SRD5A1: variants seen among roughly 807,000 people sequenced by gnomAD.
SRD5A1 encodes 3-oxo-5-alpha-steroid 4-dehydrogenase 1.
Under a neutral mutation model 28.2 loss-of-function variants are expected in SRD5A1, and 22 were observed. The ratio of observed to expected loss-of-function variants is 0.78; its 90% CI spans 0.56 to 1.12. SRD5A1 has a LOEUF of 1.12. SRD5A1 is among the 50% of genes most tolerant of loss of function. The pLI is 0.00. For missense variants in SRD5A1, 300 were observed against 346.7 expected, an observed-to-expected ratio of 0.87 and a Z score of 1.07; for synonymous variants, 151 against 135.0, an observed-to-expected ratio of 1.12 and a Z score of -0.82.
At chr5:6,656,028 A>G in intron 2 of SRD5A1, 50 bp from the exon 3 acceptor site, 1 of 1,429,940 alleles carries the variant, frequency 7.0e-7, no homozygotes, top group Non-Finnish European at 9.9e-7. Flanking sequence ...GCTCGTAGTG[A>G]AATTTTACGG....
At chr5:6,664,430 C>G (rs770180678) in intron 4 of SRD5A1, among the ~76,000 whole-genome samples, 53 of 151,856 alleles carry the variant, frequency 3.5e-4, no homozygotes, top group Non-Finnish European at 6.5e-4. Context: ...TTTAAGACAG[C>G]ATCTCACTCT....
At chr5:6,638,895 G>A (rs1238954559) in intron 1 of SRD5A1, among the ~76,000 whole-genome samples, 1 of 152,094 alleles carries the variant, frequency 6.6e-6, no homozygotes, top group Non-Finnish European at 1.5e-5. Context: ...GTTGTTAGGG[G>A]AAAAAAGCAA....
At chr5:6,646,694 C>G (rs1272895508) in intron 1 of SRD5A1, among the ~76,000 whole-genome samples, 1 of 152,026 alleles carries the variant, frequency 6.6e-6, no homozygotes, top group East Asian at 1.9e-4. Context: ...GGCTAGCAGT[C>G]TATCTATTTT....
chr5:6,655,632 C>T (rs1299936581), intron 2 of SRD5A1, among the ~76,000 whole-genome samples: 1 of 152,250 alleles, frequency 6.6e-6, no homozygotes, highest in East Asian at 1.9e-4. Flanking sequence ...GGGTGACGTA[C>T]AGCCAGTGGT....
rs377225663 is a variant in SRD5A1, at chr5:6,652,542, TAA to T, written c.460+537_460+538del. Among the ~76,000 whole-genome samples, 297 of 152,174 alleles carry T rather than the reference TAA, an allele frequency of 2.0e-3. 5 individuals carry two copies. Among genetic ancestry groups the T allele is most frequent in the African/African-American group, 6.8e-3 (282 of 41,530 alleles). On this transcript the variant is annotated intron_variant, in intron 2 of 4. Transcript: ENST00000274192. ...TTTAAGTTCTAAGCAAAAATGAAAA[TAA>T]AACAGCCATCAAAAATATTTGCAAG...
intron 1 of SRD5A1, among the ~76,000 whole-genome samples, chr5:6,641,820 G>A (rs887052243): frequency 2.4e-4 from 36 of 152,366 alleles, no homozygotes; most frequent in African/African-American, 6.7e-4. Context: ...GCAGAAGCAC[G>A]TCCTCACTCC....
chr5:6,659,763 G>A (rs892496075), intron 3 of SRD5A1, among the ~76,000 whole-genome samples: 3 of 152,298 alleles, frequency 2.0e-5, no homozygotes, highest in Admixed American at 1.3e-4. Flanking sequence ...GAACGTGGAA[G>A]CCAAAATATT....
At chr5:6,635,497 T>C (rs1247285233) in intron 1 of SRD5A1, among the ~76,000 whole-genome samples, 1 of 152,216 alleles carries the variant, frequency 6.6e-6, no homozygotes, top group African/African-American at 2.4e-5. Context: ...CTGGATGAGT[T>C]ACTAAGCTGC....
At chr5:6,667,638 C>A (rs1739225419) in intron 4 of SRD5A1, among the ~76,000 whole-genome samples, 1 of 152,192 alleles carries the variant, frequency 6.6e-6, no homozygotes, top group South Asian at 2.1e-4. Context: ...CAATTTATAT[C>A]AAAACGGAAA....
Position 6,674,265 on chromosome 5 carries a change from TA to T in SRD5A1, c.*5998del, listed in dbSNP as rs1376095642. The T allele has an allele frequency of 3.9e-5, 6 of 152,154 alleles. No homozygotes were observed. Among genetic ancestry groups the T allele is most frequent in the Non-Finnish European group, 8.8e-5 (6 of 68,038 alleles). The allele number at this position is 152,154 out of a possible 1,614,324, so 9.4% of individuals were successfully genotyped here. On this transcript the variant is annotated 3_prime_UTR_variant, in exon 5 of 5. Transcript: ENST00000274192. The stretch of plus-strand genomic sequence containing the variant: ...GTACAACACTAATGCAAGATGTTAA[TA>T]GGGGAAATCGTGTTGGAGAGAGAGA...
In SRD5A1 at chr5:6,637,770, C is replaced by T. The variant is rs548105145; in HGVS notation, c.293+3901C>T. 8.2e-4 allele frequency among the ~76,000 whole-genome samples: 125 copies of T among 152,344 alleles called. 1 individual carries two copies. Among genetic ancestry groups the T allele is most frequent in the African/African-American group, 2.9e-3 (122 of 41,584 alleles). Reference sequence around the variant, plus strand: ...TGCCCAGAGTGCACAGTCAGATGCCCAGAGGCCTCCTCTTTCTGACACCTG... The same window carrying T: ...TGCCCAGAGTGCACAGTCAGATGCCTAGAGGCCTCCTCTTTCTGACACCTG... On this transcript the variant is annotated intron_variant, in intron 1 of 4. Coordinates refer to ENST00000274192, the MANE Select transcript of SRD5A1 (RefSeq NM_001047.4).
In SRD5A1 at chr5:6,669,485, A is replaced by G. The variant is rs150447706; in HGVS notation, c.*1217A>G. ...AATTCATCTGGCATTGCTTTGCCTT[A>G]TCATCTCATCTGGAGTTTTTAAATG... On this transcript the variant is annotated 3_prime_UTR_variant, in exon 5 of 5. Coordinates refer to ENST00000274192, the MANE Select transcript of SRD5A1 (RefSeq NM_001047.4). 2 of 152,308 alleles carry G rather than the reference A, an allele frequency of 1.3e-5. No individual in the cohort carries two copies. The highest frequency in any genetic ancestry group is 2.9e-5 in the Non-Finnish European group (2 of 68,016). 9.4% of individuals were successfully genotyped at this position (152,308 alleles called of 1,614,324 possible).
intron 4 of SRD5A1, among the ~76,000 whole-genome samples, chr5:6,665,170 G>A (rs1047005138): frequency 1.3e-5 from 2 of 152,234 alleles, no homozygotes; most frequent in African/African-American, 2.4e-5. Context: ...AGGCGGGGGC[G>A]ATGCAGCCAT....
At position 6,672,872 on chromosome 5, in the gene SRD5A1, T is replaced by TC. The variant is rs1257915127; in HGVS notation, c.*4605dup. Reference sequence around the variant, plus strand: ...CAATAAAATAATACTTTCTTTTCTTTCTTAAAATCTAGCTGATCTGGTCTA... The same window carrying TC: ...CAATAAAATAATACTTTCTTTTCTTTCCTTAAAATCTAGCTGATCTGGTCTA... On this transcript the variant is annotated 3_prime_UTR_variant, in exon 5 of 5. Coordinates refer to ENST00000274192, the MANE Select transcript of SRD5A1 (RefSeq NM_001047.4). 3 of 152,240 alleles carry TC rather than the reference T, an allele frequency of 2.0e-5. No homozygotes were observed. Among genetic ancestry groups the TC allele is most frequent in the Non-Finnish European group, 4.4e-5 (3 of 68,034 alleles). 9.4% of individuals were successfully genotyped at this position (152,240 alleles called of 1,614,324 possible).
rs1739291998 is a variant in SRD5A1, at chr5:6,669,266, A to AT, written c.*998_*999insT. On this transcript the variant is annotated 3_prime_UTR_variant, in exon 5 of 5. Transcript: ENST00000274192. ...AACATAATAATTGTTAAAATTCTCT[A>AT]CAGCCTTCTTTTTCTTCCATAGCTA... 1 of 152,224 alleles carries AT rather than the reference A, an allele frequency of 6.6e-6. No homozygotes were observed. The highest frequency in any genetic ancestry group is 2.4e-5 in the African/African-American group (1 of 41,458). 9.4% of individuals were successfully genotyped at this position (152,224 alleles called of 1,614,324 possible).
chr5:6,651,754 A>G, intron 1 of SRD5A1, 88 bp from the exon 2 acceptor site: 1 of 1,299,008 alleles, frequency 7.7e-7, no homozygotes, highest in Non-Finnish European at 1.1e-6. Flanking sequence ...AGAAAGTAAG[A>G]TTTAAAACCC....
At chr5:6,652,073 G>T in intron 2 of SRD5A1, 65 bp downstream of exon 2, 1 of 1,490,198 alleles carries the variant, frequency 6.7e-7, no homozygotes. Context: ...ATGTCCCAGT[G>T]GTTTCTAATG....
intron 1 of SRD5A1, among the ~76,000 whole-genome samples, chr5:6,646,141 A>G (rs1471279981): frequency 6.6e-6 from 1 of 152,204 alleles, no homozygotes; most frequent in African/African-American, 2.4e-5. Flanking sequence ...GACAGTTTCT[A>G]GCATCATCCA....
intron 1 of SRD5A1, among the ~76,000 whole-genome samples, chr5:6,639,035 A>G (rs1214485375): frequency 6.6e-6 from 1 of 152,244 alleles, no homozygotes; most frequent in African/African-American, 2.4e-5. Context: ...GGGGTACAAC[A>G]TTATAGGTTG....
Sources: allele counts gnomAD v4.1 joint callset (sites outside exome capture counted in the v4.1 genomes callset), GRCh38; gene constraint gnomAD v4.1.1; transcripts MANE v1.5; gene names NCBI Gene and HGNC (gene_info 2026-07-23, HGNC 2026-07-21).